Variants in FRMD4A observed in about 807,000 individuals in gnomAD.
FRMD4A encodes the protein FERM domain containing 4A.
Under a neutral mutation model 129.1 loss-of-function variants are expected in FRMD4A, and 29 were observed. That is an observed-to-expected ratio of 0.22 (90% CI 0.17 to 0.31). The LOEUF (loss-of-function observed/expected upper bound fraction) is 0.31. Among genes scored for constraint, FRMD4A ranks in the 10% least tolerant of loss-of-function variants. The pLI is 1.00. For synonymous variants in FRMD4A, 634 were observed against 571.6 expected (o/e 1.11, Z -1.56); for missense variants, 1,272 against 1,375.8 (o/e 0.92, Z 1.19).
intron 2 of FRMD4A, among the ~76,000 whole-genome samples, chr10:14,228,842 A>C (rs1843538410): frequency 6.6e-6 from 1 of 152,172 alleles, no homozygotes; most frequent in Non-Finnish European, 1.5e-5. Context: ...TCACTGTTCA[A>C]AAGCAGAATT....
At chr10:13,694,949 G>T (rs1372611434) in intron 14 of FRMD4A, among the ~76,000 whole-genome samples, 1 of 152,246 alleles carries the variant, frequency 6.6e-6, no homozygotes, top group African/African-American at 2.4e-5. Flanking sequence ...TCCCACCAAC[G>T]AACGTCTGAC....
intron 2 of FRMD4A, among the ~76,000 whole-genome samples, chr10:14,246,911 G>A (rs1418525721): frequency 6.6e-6 from 1 of 152,158 alleles, no homozygotes; most frequent in Non-Finnish European, 1.5e-5. Flanking sequence ...AGGCAAGGAA[G>A]GGGTAATCAC....
intron 2 of FRMD4A, among the ~76,000 whole-genome samples, chr10:14,196,192 C>T (rs569607196): frequency 1.6e-4 from 25 of 152,012 alleles, no homozygotes; most frequent in African/African-American, 5.3e-4. Context: ...CACACACATC[C>T]TTGCACCAGC....
chr10:13,659,406 G>A lies in FRMD4A; in HGVS notation c.1983C>T (p.Gly661=). ...TGGACTGGGAGTTCCAGTGCGGGAG[G>A]CCGCGGATGGGGCTGTTCTGCAAGG... ...SNSLQNSPIR[G]LPHWNSQSSM... The change falls in exon 21 of 25, where the codon GGC becomes GGT. Residue 661 remains glycine, a synonymous_variant. Coordinates refer to ENST00000357447, the MANE Select transcript of FRMD4A (RefSeq NM_018027.5). The A allele has an allele frequency of 6.2e-7, 1 of 1,613,986 alleles. No individual in the cohort carries two copies. Among genetic ancestry groups the A allele is most frequent in the African/African-American group, 1.3e-5 (1 of 75,048 alleles).
At chr10:14,300,664 T>C (rs1846154475) in intron 2 of FRMD4A, among the ~76,000 whole-genome samples, 1 of 152,166 alleles carries the variant, frequency 6.6e-6, no homozygotes, top group Non-Finnish European at 1.5e-5. Context: ...GTCATTGATG[T>C]AAAATGGTGA....
intron 2 of FRMD4A, among the ~76,000 whole-genome samples, chr10:14,178,892 AC>A (rs1317493349): frequency 2.0e-5 from 3 of 152,214 alleles, no homozygotes; most frequent in African/African-American, 7.2e-5. Context: ...AGGAATTTCT[AC>A]TTTGTGGTAG....
chr10:13,873,808 A>G (rs1336408671), intron 2 of FRMD4A, among the ~76,000 whole-genome samples: 1 of 151,690 alleles, frequency 6.6e-6, no homozygotes, highest in Admixed American at 6.6e-5. Flanking sequence ...TGGCCTCCCA[A>G]AGTGCTGAGA....
intron 15 of FRMD4A, among the ~76,000 whole-genome samples, chr10:13,676,371 C>T (rs1490288401): frequency 6.6e-6 from 1 of 151,762 alleles, no homozygotes; most frequent in Non-Finnish European, 1.5e-5. Flanking sequence ...AAGAGATTCT[C>T]CTGCCTCAGC....
intron 2 of FRMD4A, among the ~76,000 whole-genome samples, chr10:14,018,015 T>G (rs1158916326): frequency 6.6e-6 from 1 of 152,216 alleles, no homozygotes; most frequent in Non-Finnish European, 1.5e-5. Context: ...TAGGGGATTC[T>G]AACTGCTCTT....
At chr10:14,301,199 A>G (rs1007002403) in intron 2 of FRMD4A, among the ~76,000 whole-genome samples, 1 of 152,232 alleles carries the variant, frequency 6.6e-6, no homozygotes, top group Non-Finnish European at 1.5e-5. Flanking sequence ...CATATTTTGT[A>G]CTTTCCCAGG....
At chr10:14,286,677 T>C (rs1302115734) in intron 2 of FRMD4A, among the ~76,000 whole-genome samples, 2 of 152,196 alleles carry the variant, frequency 1.3e-5, no homozygotes, top group Non-Finnish European at 2.9e-5. Flanking sequence ...ACTTTCACTA[T>C]TGCAGACATG....
rs575295669 is a variant in FRMD4A at position 13,807,726 on chromosome 10, T to C, written c.206+3088A>G. Among the ~76,000 whole-genome samples the C allele has an allele frequency of 1.2e-3, 178 of 152,244 alleles. 3 individuals carry two copies. The Middle Eastern group carries it at 0.014, about 12-fold the overall frequency. ...AGTTTCATCTAGATCCCACAAAATG[T>C]CAACAGCAGTTAATTCTGAAAGAGT... On this transcript the variant is annotated intron_variant, in intron 4 of 24. Transcript: ENST00000357447.
intron 2 of FRMD4A, among the ~76,000 whole-genome samples, chr10:14,075,243 A>G (rs1835518131): frequency 6.6e-6 from 1 of 152,212 alleles, no homozygotes; most frequent in Admixed American, 6.5e-5. Flanking sequence ...TCCTGGTGAA[A>G]TGCTGCTCAT....
At chr10:14,160,260 C>G (rs1354596521) in intron 2 of FRMD4A, among the ~76,000 whole-genome samples, 1 of 152,028 alleles carries the variant, frequency 6.6e-6, no homozygotes, top group East Asian at 1.9e-4. Context: ...ACTGGATACC[C>G]TCTCTCTCAC....
At chr10:13,989,380 G>A (rs182167595) in intron 2 of FRMD4A, among the ~76,000 whole-genome samples, 128 of 151,688 alleles carry the variant, frequency 8.4e-4, no homozygotes, top group African/African-American at 2.9e-3. Context: ...TTTTTGAGAC[G>A]GCGCCTCGCT....
At chr10:14,322,106 A>G (rs1388222953) in intron 2 of FRMD4A, among the ~76,000 whole-genome samples, 1 of 152,112 alleles carries the variant, frequency 6.6e-6, no homozygotes, top group East Asian at 1.9e-4. Flanking sequence ...TTTATAAATT[A>G]CCCATTCTCA....
chr10:13,809,294 C>T (rs1314957954), intron 4 of FRMD4A, among the ~76,000 whole-genome samples: 1 of 152,172 alleles, frequency 6.6e-6, no homozygotes, highest in Non-Finnish European at 1.5e-5. Context: ...AAAAGGGAAG[C>T]CTAATCAGGC....
chr10:14,127,968 TTC>T (rs1440627660), intron 2 of FRMD4A, among the ~76,000 whole-genome samples: 1 of 33,612 alleles, frequency 3.0e-5, no homozygotes, highest in African/African-American at 1.3e-4. Flanking sequence ...CTTTCTTTCT[TTC>T]TTTCTTTCCT....
At chr10:14,326,597 T>A (rs1411316667) in intron 2 of FRMD4A, 4 of 376,602 alleles carry the variant, frequency 1.1e-5, no homozygotes, top group Non-Finnish European at 1.9e-5. Flanking sequence ...ACTATTTTAA[T>A]CTAGCTGTCC....
Sources: allele counts gnomAD v4.1 joint callset (sites outside exome capture counted in the v4.1 genomes callset), GRCh38; gene constraint gnomAD v4.1.1; transcripts MANE v1.5; gene names NCBI Gene and HGNC (gene_info 2026-07-23, HGNC 2026-07-21).